The following PLPPR1 variants were observed in gnomAD, a reference collection of about 807,000 sequenced individuals.
PLPPR1 encodes the protein phospholipid phosphatase related 1.
A neutral mutation model predicts 33.1 loss-of-function variants in PLPPR1; 10 were observed. The observed-to-expected ratio is 0.30, with a 90% CI of 0.19 to 0.51. The LOEUF (loss-of-function observed/expected upper bound fraction) is 0.51. PLPPR1 is among the 20% of genes least tolerant of loss of function. The pLI is 0.97. For synonymous variants in PLPPR1, 151 were observed against 151.0 expected, an observed-to-expected ratio of 1.00 and a Z score of 0.00; for missense variants, 304 against 408.1, an observed-to-expected ratio of 0.74 and a Z score of 2.20.
chr9:101,281,180 CAA>C (rs144033855), intron 3 of PLPPR1, among the ~76,000 whole-genome samples: 11,958 of 151,868 alleles, frequency 0.079, 897 homozygotes, highest in African/African-American at 0.2. Flanking sequence ...ACAATAGCTA[CAA>C]ATAAAATACC....
At chr9:101,139,543 T>C (rs987919433) in intron 1 of PLPPR1, among the ~76,000 whole-genome samples, 6 of 152,192 alleles carry the variant, frequency 3.9e-5, no homozygotes, top group Admixed American at 2.6e-4. Context: ...GAGTATAGGT[T>C]CCTTTTCCCC....
chr9:101,180,195 C>A, intron 1 of PLPPR1, among the ~76,000 whole-genome samples: 1 of 139,512 alleles, frequency 7.2e-6, no homozygotes, highest in South Asian at 2.4e-4. Flanking sequence ...CATATATACA[C>A]ATACACACAC....
intron 1 of PLPPR1, among the ~76,000 whole-genome samples, chr9:101,155,156 A>G (rs1327371490): frequency 6.6e-6 from 1 of 152,080 alleles, no homozygotes; most frequent in African/African-American, 2.4e-5. Context: ...GAAACAGTCT[A>G]TTTGCTTGTT....
intron 1 of PLPPR1, among the ~76,000 whole-genome samples, chr9:101,045,067 C>T (rs895628222): frequency 1.3e-5 from 2 of 152,034 alleles, no homozygotes; most frequent in Admixed American, 1.3e-4. Context: ...TGAGCTGATC[C>T]AAAAGGAATC....
intron 2 of PLPPR1, among the ~76,000 whole-genome samples, chr9:101,268,124 G>A (rs1291936440): frequency 6.6e-6 from 1 of 152,010 alleles, no homozygotes; most frequent in Non-Finnish European, 1.5e-5. Flanking sequence ...AGGGGGGAGA[G>A]ATAGCATTAG....
chr9:101,285,065 A>T (rs961413399), intron 3 of PLPPR1, among the ~76,000 whole-genome samples: 1 of 152,198 alleles, frequency 6.6e-6, no homozygotes, highest in African/African-American at 2.4e-5. Context: ...AGCAAGGATA[A>T]TTATGCCTGC....
At chr9:101,068,769 T>C (rs898784438) in intron 1 of PLPPR1, among the ~76,000 whole-genome samples, 13 of 151,972 alleles carry the variant, frequency 8.6e-5, no homozygotes, top group African/African-American at 2.7e-4. Flanking sequence ...GTTTGATTCA[T>C]GTAAGGCAAT....
At chr9:101,214,397 G>T (rs1399249422) in intron 2 of PLPPR1, among the ~76,000 whole-genome samples, 1 of 151,972 alleles carries the variant, frequency 6.6e-6, no homozygotes, top group African/African-American at 2.4e-5. Context: ...TTATATATGT[G>T]ATAGGTGTGT....
chr9:101,258,580 C>T (rs536254347), intron 2 of PLPPR1, among the ~76,000 whole-genome samples: 1 of 152,192 alleles, frequency 6.6e-6, no homozygotes, highest in Non-Finnish European at 1.5e-5. Context: ...GCATCTATCC[C>T]CTGTCCCTCC....
rs1588068747 is a variant in PLPPR1, at chr9:101,198,504, T to G, written c.63+12947T>G. 4.6e-5 allele frequency among the ~76,000 whole-genome samples: 7 copies of G among 152,286 alleles called. 1 individual carries two copies. In the South Asian group the frequency reaches 1.2e-3, roughly 27 times the overall value. On this transcript the variant is annotated intron_variant, in intron 2 of 7. Transcript: ENST00000374874. ...ATTTCAAAAACATAACTATAAAACT[T>G]ATTTCAGAATGTTTATAGCAAGAAT...
chr9:101,257,958 A>C (rs1827831578), intron 2 of PLPPR1, among the ~76,000 whole-genome samples: 1 of 152,168 alleles, frequency 6.6e-6, no homozygotes, highest in South Asian at 2.1e-4. Flanking sequence ...CAACAAAATT[A>C]ATTATAAAAG....
intron 1 of PLPPR1, among the ~76,000 whole-genome samples, chr9:101,145,675 C>A (rs1379968019): frequency 1.3e-5 from 2 of 151,492 alleles, no homozygotes; most frequent in East Asian, 3.9e-4. Flanking sequence ...GCCATCATGA[C>A]TGGCAATATA....
chr9:101,217,337 A>T (rs1468889685), intron 2 of PLPPR1, among the ~76,000 whole-genome samples: 1 of 152,240 alleles, frequency 6.6e-6, no homozygotes, highest in East Asian at 1.9e-4. Context: ...TAACAGATTT[A>T]GGATTAAACA....
intron 4 of PLPPR1, among the ~76,000 whole-genome samples, chr9:101,293,231 T>C (rs1050613450): frequency 1.4e-5 from 2 of 140,280 alleles, no homozygotes; most frequent in East Asian, 4.1e-4. Flanking sequence ...GGTAAAGGGA[T>C]CAATTCAACA....
At chr9:101,074,932 C>T (rs139851236) in intron 1 of PLPPR1, among the ~76,000 whole-genome samples, 1 of 152,238 alleles carries the variant, frequency 6.6e-6, no homozygotes, top group African/African-American at 2.4e-5. Flanking sequence ...CTTTCCTTCC[C>T]AAGCAAAAGA....
At chr9:101,081,432 A>G (rs1830618272) in intron 1 of PLPPR1, among the ~76,000 whole-genome samples, 1 of 152,156 alleles carries the variant, frequency 6.6e-6, no homozygotes, top group African/African-American at 2.4e-5. Context: ...TGACCTCATG[A>G]TCCACCCACC....
chr9:101,257,601 G>A (rs1460520214), intron 2 of PLPPR1, among the ~76,000 whole-genome samples: 1 of 152,116 alleles, frequency 6.6e-6, no homozygotes, highest in Non-Finnish European at 1.5e-5. Flanking sequence ...AGGAGCTTTA[G>A]TGTTCATCTA....
At chr9:101,247,674 T>C (rs1009156105) in intron 2 of PLPPR1, among the ~76,000 whole-genome samples, 5 of 152,032 alleles carry the variant, frequency 3.3e-5, no homozygotes, top group African/African-American at 1.2e-4. Flanking sequence ...GCATTTACCA[T>C]GTACCAGACT....
intron 1 of PLPPR1, among the ~76,000 whole-genome samples, chr9:101,071,692 G>T (rs1358561239): frequency 1.3e-5 from 2 of 152,070 alleles, no homozygotes; most frequent in Admixed American, 1.3e-4. Flanking sequence ...TTCTGGTAAT[G>T]ATAGCATTTA....
Sources: gnomAD v4.1 joint callset for allele counts (sites outside exome capture counted in the v4.1 genomes callset) on GRCh38, gnomAD v4.1.1 for gene constraint, MANE v1.5 for transcripts, NCBI Gene and HGNC (gene_info 2026-07-23, HGNC 2026-07-21) for gene names.